The following SHISA9 variants were observed in gnomAD, a reference collection of about 807,000 sequenced individuals.
SHISA9 encodes protein shisa-9.
Under a neutral mutation model 38.0 loss-of-function variants are expected in SHISA9, and 13 were observed. The ratio of observed to expected loss-of-function variants is 0.34; its 90% CI spans 0.22 to 0.54. The LOEUF (loss-of-function observed/expected upper bound fraction) is 0.54, where lower values mean the gene tolerates loss of function less well. Ranked by LOEUF, SHISA9 falls within the 20% of genes least tolerant of loss-of-function variation. The pLI, the probability that SHISA9 is intolerant of heterozygous loss-of-function variation, is 0.91. For synonymous variants in SHISA9, 275 were observed against 242.0 expected (o/e 1.14, Z -1.27); for missense variants, 538 against 575.8 (o/e 0.93, Z 0.67).
the SHISA9 span, among the ~76,000 whole-genome samples, chr16:13,536,454 T>C: frequency 6.6e-6 from 1 of 152,250 alleles, no homozygotes; most frequent in Non-Finnish European, 1.5e-5. Flanking sequence ...TTGGCTGCCA[T>C]GTCTATAGTA....
intron 2 of SHISA9, among the ~76,000 whole-genome samples, chr16:13,060,321 G>T (rs1304647721): frequency 6.6e-6 from 1 of 152,158 alleles, no homozygotes; most frequent in Admixed American, 6.5e-5. Context: ...CAGAATGCAT[G>T]CCTGCCTTTG....
rs571577375 is a variant in SHISA9, at chr16:13,037,600, C to G, written c.691+120785C>G. On this transcript the variant is annotated intron_variant, in intron 2 of 4. Coordinates refer to ENST00000558583, the MANE Select transcript of SHISA9 (RefSeq NM_001145204.3). ...TTGGGCAAAATCCTAGCCTGGGAAT[C>G]AAACCTGGGGCCCTTGCCTGCGAGT... 5.3e-5 allele frequency among the ~76,000 whole-genome samples: 8 copies of G among 152,194 alleles called. No homozygotes were observed. The South Asian group carries it at 1.7e-3, about 32-fold the overall frequency.
the SHISA9 span, among the ~76,000 whole-genome samples, chr16:13,324,758 G>A: frequency 6.6e-6 from 1 of 152,216 alleles, no homozygotes; most frequent in South Asian, 2.1e-4. Flanking sequence ...AGGAGGTTCT[G>A]AGAACATGTG....
At chr16:13,118,726 T>C (rs2074055545) in intron 2 of SHISA9, among the ~76,000 whole-genome samples, 1 of 96,410 alleles carries the variant, frequency 1.0e-5, no homozygotes, top group Non-Finnish European at 1.9e-5. Context: ...TTCTTTTCTT[T>C]TTTCTTTTTT....
intron 2 of SHISA9, among the ~76,000 whole-genome samples, chr16:13,114,349 C>G (rs1476341338): frequency 3.3e-5 from 5 of 151,292 alleles, no homozygotes; most frequent in Non-Finnish European, 2.9e-5. Flanking sequence ...GCCTGTAGTC[C>G]CAGCTGCTCG....
the SHISA9 span, among the ~76,000 whole-genome samples, chr16:13,469,316 G>GAAAGAAAGAAAGAA: frequency 4.1e-3 from 221 of 53,266 alleles, 8 homozygotes; most frequent in East Asian, 0.012. Flanking sequence ...GAGAGAGAGA[G>GAAAGAAAGAAAGAA]AGAGAGAAAG....
At position 13,148,228 on chromosome 16, in the gene SHISA9, C is replaced by T. The variant is rs117877477; in HGVS notation, c.692-55166C>T. Among the ~76,000 whole-genome samples the T allele has an allele frequency of 5.9e-5, 9 of 152,166 alleles. No individual in the cohort carries two copies. In the East Asian group the frequency reaches 7.7e-4, roughly 13 times the overall value. ...CCTACATGCATTTCCCACATGTCCCCGCACACCCGAATATACACAAACACA... is the reference window on the plus strand; with the variant it reads ...CCTACATGCATTTCCCACATGTCCCTGCACACCCGAATATACACAAACACA... On this transcript the variant is annotated intron_variant, in intron 2 of 4. Coordinates refer to ENST00000558583, the MANE Select transcript of SHISA9 (RefSeq NM_001145204.3).
chr16:12,998,751 A>G (rs1284043958), intron 2 of SHISA9, among the ~76,000 whole-genome samples: 1 of 152,168 alleles, frequency 6.6e-6, no homozygotes, highest in Non-Finnish European at 1.5e-5. Context: ...TGTATTGCCA[A>G]GGCTGAAAAT....
chr16:13,419,521 C>T, the SHISA9 span, among the ~76,000 whole-genome samples: 7 of 152,252 alleles, frequency 4.6e-5, no homozygotes, highest in Non-Finnish European at 7.4e-5. Flanking sequence ...CCTTTGTTAG[C>T]GTGTGATGTC....
intron 2 of SHISA9, among the ~76,000 whole-genome samples, chr16:12,935,503 G>A (rs2071517760): frequency 6.6e-6 from 1 of 152,122 alleles, no homozygotes; most frequent in African/African-American, 2.4e-5. Flanking sequence ...CAGCAAAAAT[G>A]GGCATATGTG....
chr16:13,173,557 T>G (rs1456123510), intron 2 of SHISA9, among the ~76,000 whole-genome samples: 1 of 152,136 alleles, frequency 6.6e-6, no homozygotes, highest in Non-Finnish European at 1.5e-5. Context: ...GGGGGCAATT[T>G]TGCTCCCCAC....
At chr16:13,083,564 A>T (rs1396768148) in intron 2 of SHISA9, among the ~76,000 whole-genome samples, 1 of 152,172 alleles carries the variant, frequency 6.6e-6, no homozygotes, top group African/African-American at 2.4e-5. Flanking sequence ...TAGGTCAGCT[A>T]TTCTTCAGCC....
At chr16:13,111,652 T>C (rs1260786197) in intron 2 of SHISA9, among the ~76,000 whole-genome samples, 1 of 152,232 alleles carries the variant, frequency 6.6e-6, no homozygotes, top group Non-Finnish European at 1.5e-5. Context: ...GATAATTTTC[T>C]TTTTGGAGCT....
the SHISA9 span, among the ~76,000 whole-genome samples, chr16:13,532,484 C>T: frequency 2.0e-5 from 3 of 151,814 alleles, no homozygotes; most frequent in Non-Finnish European, 4.4e-5. Context: ...GCCCTGTGGC[C>T]GTGGGCAGGT....
the SHISA9 span, among the ~76,000 whole-genome samples, chr16:13,408,913 C>T: frequency 6.6e-6 from 1 of 152,286 alleles, no homozygotes; most frequent in East Asian, 1.9e-4. Flanking sequence ...GGCAAAGGCC[C>T]CACCCTCAAG....
chr16:13,257,184 G>C, the SHISA9 span, among the ~76,000 whole-genome samples: 1 of 152,132 alleles, frequency 6.6e-6, no homozygotes, highest in Non-Finnish European at 1.5e-5. Context: ...CATTGGTAAG[G>C]AACCATCCCA....
At chr16:13,078,042 A>G (rs1006598152) in intron 2 of SHISA9, among the ~76,000 whole-genome samples, 9 of 152,340 alleles carry the variant, frequency 5.9e-5, no homozygotes, top group Middle Eastern at 3.4e-3. Context: ...CCACAGTGAT[A>G]ATAATAAACA....
chr16:13,364,604 T>C, the SHISA9 span, among the ~76,000 whole-genome samples: 1 of 152,194 alleles, frequency 6.6e-6, no homozygotes, highest in African/African-American at 2.4e-5. Flanking sequence ...AATATTTTTA[T>C]TAAATAGAAA....
At chr16:13,099,539 G>T (rs1246469748) in intron 2 of SHISA9, among the ~76,000 whole-genome samples, 1 of 151,976 alleles carries the variant, frequency 6.6e-6, no homozygotes, top group Non-Finnish European at 1.5e-5. Context: ...TTGATGGGGT[G>T]GAGGGAGTGG....
Sources: allele counts gnomAD v4.1 joint callset (sites outside exome capture counted in the v4.1 genomes callset), GRCh38; gene constraint gnomAD v4.1.1; transcripts MANE v1.5; gene names NCBI Gene and HGNC (gene_info 2026-07-23, HGNC 2026-07-21).